The following SLC16A10 variants were observed in gnomAD, a reference collection of about 807,000 sequenced individuals.
SLC16A10 encodes the protein monocarboxylate transporter 10.
A neutral mutation model predicts 40.0 loss-of-function variants in SLC16A10; 27 were observed. The observed-to-expected ratio is 0.67, with a 90% CI of 0.50 to 0.93. The LOEUF (loss-of-function observed/expected upper bound fraction) is 0.93. Ranked by LOEUF, SLC16A10 falls within the 40% of genes least tolerant of loss-of-function variation. The probability of loss-of-function intolerance (pLI) is 0.00; values close to 1 mark genes in which losing one functional copy is unlikely to be tolerated. For synonymous variants in SLC16A10, 213 were observed against 249.8 expected, an observed-to-expected ratio of 0.85 and a Z score of 1.39; for missense variants, 529 against 658.2, an observed-to-expected ratio of 0.80 and a Z score of 2.15.
In SLC16A10 at chr6:111,138,712, C is replaced by T. The variant is rs532870089; in HGVS notation, c.344-33983C>T. Among the ~76,000 whole-genome samples the T allele has an allele frequency of 2.6e-5, 4 of 152,072 alleles. No individual in the cohort carries two copies. The South Asian group carries it at 6.2e-4, about 24-fold the overall frequency. On this transcript the variant is annotated intron_variant, in intron 1 of 5. Transcript: ENST00000368851. The stretch of plus-strand genomic sequence containing the variant: ...TCTTGCTGAGGCTGGATTCAAACTC[C>T]GGGGCTCAAGTGATCCTCCTGCCTC...
intron 1 of SLC16A10, among the ~76,000 whole-genome samples, chr6:111,159,192 C>A (rs449308): frequency 0.13 from 19,122 of 151,630 alleles, 1,344 homozygotes; most frequent in Middle Eastern, 0.17. Flanking sequence ...CACTATCCCA[C>A]ATTTGCTTTA....
intron 4 of SLC16A10, among the ~76,000 whole-genome samples, chr6:111,210,241 G>A (rs1773323233): frequency 6.6e-6 from 1 of 152,138 alleles, no homozygotes; most frequent in African/African-American, 2.4e-5. Context: ...TTAGAGATGT[G>A]AACACTGAGG....
intron 1 of SLC16A10, among the ~76,000 whole-genome samples, chr6:111,117,347 G>A (rs1181279335): frequency 3.6e-4 from 20 of 55,816 alleles, no homozygotes; most frequent in Non-Finnish European, 3.1e-4. Context: ...GCGAGACTCC[G>A]TCTCAAAAAA....
chr6:111,189,075 T>C (rs1224102573), intron 3 of SLC16A10, among the ~76,000 whole-genome samples: 29 of 152,200 alleles, frequency 1.9e-4, no homozygotes, highest in Non-Finnish European at 1.5e-5. Context: ...TTGTGTGCCA[T>C]AGACATTCTA....
intron 1 of SLC16A10, among the ~76,000 whole-genome samples, chr6:111,144,485 G>A (rs536919330): frequency 6.6e-6 from 1 of 152,346 alleles, no homozygotes; most frequent in Non-Finnish European, 1.5e-5. Flanking sequence ...TTACAGGCAT[G>A]AGCCACCGCG....
chr6:111,163,379 C>G (rs1772411719), intron 1 of SLC16A10, among the ~76,000 whole-genome samples: 1 of 151,720 alleles, frequency 6.6e-6, no homozygotes, highest in Non-Finnish European at 1.5e-5. Context: ...GTCTCGATCT[C>G]CTGACCTCGT....
intron 3 of SLC16A10, among the ~76,000 whole-genome samples, chr6:111,201,792 GTAAA>G (rs1214458430): frequency 6.6e-6 from 1 of 152,168 alleles, no homozygotes; most frequent in Non-Finnish European, 1.5e-5. Context: ...ACAGGTTTCT[GTAAA>G]TAAAGTGATT....
At chr6:111,217,606 C>A (rs1056086073) in intron 4 of SLC16A10, among the ~76,000 whole-genome samples, 2 of 152,026 alleles carry the variant, frequency 1.3e-5, no homozygotes, top group Non-Finnish European at 2.9e-5. Context: ...CCGGCCACCA[C>A]GCCCGGCTAA....
chr6:111,131,200 G>A (rs968638709), intron 1 of SLC16A10, among the ~76,000 whole-genome samples: 1 of 152,212 alleles, frequency 6.6e-6, no homozygotes, highest in Admixed American at 6.5e-5. Context: ...CTCTGGATCC[G>A]GCAGGGTGTC....
Position 111,157,944 on chromosome 6 carries a change from C to G in SLC16A10, c.344-14751C>G, listed in dbSNP as rs535729593. Reference sequence around the variant, plus strand: ...AGAAAAAAAGAAAAAGAACTGTGATCCTAGTTGCGAATGTTGACTTATAGC... The same window carrying G: ...AGAAAAAAAGAAAAAGAACTGTGATGCTAGTTGCGAATGTTGACTTATAGC... On this transcript the variant is annotated intron_variant, in intron 1 of 5. Transcript: ENST00000368851. 4.0e-5 allele frequency among the ~76,000 whole-genome samples: 6 copies of G among 151,158 alleles called. No individual in the cohort carries two copies. In the South Asian group the frequency reaches 1.0e-3, roughly 26 times the overall value.
intron 1 of SLC16A10, chr6:111,091,283 A>G (rs1025784271): frequency 6.6e-6 from 1 of 152,206 alleles, no homozygotes; most frequent in African/African-American, 2.4e-5. Flanking sequence ...TCTCTGTGTC[A>G]TTCCAATTTT....
chr6:111,138,583 T>C (rs1373744588), intron 1 of SLC16A10, among the ~76,000 whole-genome samples: 4 of 152,216 alleles, frequency 2.6e-5, no homozygotes, highest in African/African-American at 9.6e-5. Flanking sequence ...GCAGGGTTGC[T>C]GCAAGGATTT....
intron 4 of SLC16A10, among the ~76,000 whole-genome samples, chr6:111,210,266 C>T (rs970282379): frequency 5.9e-5 from 9 of 152,112 alleles, no homozygotes; most frequent in Non-Finnish European, 1.2e-4. Flanking sequence ...GAGAGGCTAC[C>T]TCACTGTGGG....
intron 1 of SLC16A10, among the ~76,000 whole-genome samples, chr6:111,148,617 G>A (rs1008668334): frequency 6.6e-6 from 1 of 152,194 alleles, no homozygotes; most frequent in Non-Finnish European, 1.5e-5. Flanking sequence ...TTAGGAAGGT[G>A]TACTCCAAAT....
rs576904597 is a variant in SLC16A10 at position 111,163,308 on chromosome 6, A to G, written c.344-9387A>G. Among the ~76,000 whole-genome samples the G allele has an allele frequency of 4.6e-5, 7 of 150,810 alleles. No individual in the cohort carries two copies. The East Asian group carries it at 1.4e-3, about 30-fold the overall frequency. ...GCTGGGACTACAGGCGCCCGCCACT[A>G]CGCCCGGCTAATTTTTTGTATTTTT... is the stretch of plus-strand genomic sequence containing the variant. On this transcript the variant is annotated intron_variant, in intron 1 of 5. Coordinates refer to ENST00000368851, the MANE Select transcript of SLC16A10 (RefSeq NM_018593.5).
At chr6:111,114,713 G>A (rs1771454226) in intron 1 of SLC16A10, among the ~76,000 whole-genome samples, 1 of 152,190 alleles carries the variant, frequency 6.6e-6, no homozygotes, top group South Asian at 2.1e-4. Flanking sequence ...GGGGAGGCCA[G>A]AGGAGGGGCC....
At chr6:111,114,432 C>T (rs1771448783) in intron 1 of SLC16A10, among the ~76,000 whole-genome samples, 1 of 152,108 alleles carries the variant, frequency 6.6e-6, no homozygotes, top group Non-Finnish European at 1.5e-5. Flanking sequence ...ATTTTCTGTA[C>T]ACTGAGAAAG....
At chr6:111,196,464 A>G (rs1773081534) in intron 3 of SLC16A10, among the ~76,000 whole-genome samples, 4 of 152,258 alleles carry the variant, frequency 2.6e-5, no homozygotes. Context: ...AGCCTAGGCA[A>G]CAGCGAGACC....
At chr6:111,182,310 C>CTTTTTTTTT (rs372963281) in intron 3 of SLC16A10, among the ~76,000 whole-genome samples, 149 of 103,598 alleles carry the variant, frequency 1.4e-3, no homozygotes, top group Admixed American at 1.7e-3. Flanking sequence ...CTCTGGGTTT[C>CTTTTTTTTT]TTTTTTTTTT....
Sources: gnomAD v4.1 joint callset for allele counts (sites outside exome capture counted in the v4.1 genomes callset) on GRCh38, gnomAD v4.1.1 for gene constraint, MANE v1.5 for transcripts, NCBI Gene and HGNC (gene_info 2026-07-23, HGNC 2026-07-21) for gene names.